RPS13: variants seen among roughly 807,000 people sequenced by gnomAD.
RPS13 encodes ribosomal protein S13.
In RPS13, 1 loss-of-function variant was observed where a neutral mutation model predicts 24.6. The ratio of observed to expected loss-of-function variants is 0.04; its 90% CI spans 0.01 to 0.19. The LOEUF (loss-of-function observed/expected upper bound fraction) is 0.19, where lower values mean the gene tolerates loss of function less well. Ranked by LOEUF, RPS13 falls within the 10% of genes least tolerant of loss-of-function variation. RPS13 has a pLI of 1.00. For missense variants in RPS13, 88 were observed against 187.4 expected, an observed-to-expected ratio of 0.47 and a Z score of 3.10; for synonymous variants, 69 against 65.3, an observed-to-expected ratio of 1.06 and a Z score of -0.27.
chr11:17,077,280 A>G (rs770404207), intron 2 of RPS13, 34 bp from the exon 3 acceptor site: 28 of 1,599,296 alleles, frequency 1.8e-5, no homozygotes, highest in Non-Finnish European at 2.3e-5. Context: ...TTAGGATGAG[A>G]ACCCAGGAAT....
intron 1 of RPS13, 28 bp downstream of exon 1, chr11:17,077,589 CAG>C: frequency 1.5e-6 from 1 of 647,466 alleles, no homozygotes. Flanking sequence ...ACCCCCCGCC[CAG>C]CAATCCGGCT....
chr11:17,075,071 A>C (rs762721657), intron 5 of RPS13, 26 bp downstream of exon 5: 13 of 1,489,952 alleles, frequency 8.7e-6, no homozygotes, highest in Non-Finnish European at 1.1e-5. Context: ...ATTCTTGATA[A>C]CAACGACAAA....
chr11:17,076,663 T>A, intron 3 of RPS13: 2 of 343,586 alleles, frequency 5.8e-6, no homozygotes, highest in South Asian at 2.2e-5. Flanking sequence ...TCCTCTCACC[T>A]CTGCATCCCA....
At chr11:17,076,076 TTGCACCCCCCTC>T in intron 3 of RPS13, 1 of 277,792 alleles carries the variant, frequency 3.6e-6, no homozygotes, top group South Asian at 3.1e-5. Context: ...TACAGATATT[TTGCACCCCCCTC>T]CCCCTTTTAA....
At position 17,077,609 on chromosome 11, in the gene RPS13, C is replaced by T. The variant is rs1397775581; in HGVS notation, c.23+10G>A. 2.1e-6 allele frequency: 3 copies of T among 1,460,770 alleles called. No individual in the cohort carries two copies. The highest frequency in any genetic ancestry group is 3.0e-5 in the East Asian group (1 of 33,100). 90.5% of individuals were successfully genotyped at this position (1,460,770 alleles called of 1,614,324 possible). A position where few individuals can be genotyped will look rare whatever the true frequency, so the allele number is the denominator to read the frequency against. On this transcript the variant is annotated intron_variant, in intron 1 of 5. Coordinates refer to ENST00000525634, the MANE Select transcript of RPS13 (RefSeq NM_001017.3). ...CCGCCCAGCAATCCGGCTTGATGCC[C>T]CGAGCTCACCCGGGAGCATGCATGC...
chr11:17,075,128 T>C lies in RPS13; in HGVS notation c.391A>G (p.Thr131Ala), dbSNP rs765457975. The change falls in exon 5 of 6, where the codon ACC becomes GCC. Residue 131 changes from threonine to alanine, a missense_variant. Coordinates refer to ENST00000525634, the MANE Select transcript of RPS13 (RefSeq NM_001017.3). ...RIHRLARYYK[T>A]KRVLPPNWKY... is the part of the protein sequence containing the mutation. Reference sequence around the variant, plus strand: ...CAATTGGGAGGGAGGACTCGCTTGGTCTTATAATATCGAGCCAAACGGTGA... The same window carrying C: ...CAATTGGGAGGGAGGACTCGCTTGGCCTTATAATATCGAGCCAAACGGTGA... The C allele has an allele frequency of 3.1e-6, 5 of 1,611,754 alleles. No individual in the cohort carries two copies. The highest frequency in any genetic ancestry group is 4.2e-6 in the Non-Finnish European group (5 of 1,179,244).
chr11:17,074,740 A>G (rs1273533907), intron 5 of RPS13: 2 of 676,714 alleles, frequency 3.0e-6, no homozygotes, highest in Admixed American at 2.0e-5. Flanking sequence ...CAATCATCAT[A>G]GTGAGCAATT....
chr11:17,074,784 A>G (rs1446583861), intron 5 of RPS13: 1 of 661,204 alleles, frequency 1.5e-6, no homozygotes, highest in Non-Finnish European at 2.8e-6. Flanking sequence ...CTGGGAGTAG[A>G]GGTATGAAAG....
At chr11:17,074,565 C>A in intron 5 of RPS13, 99 bp from the exon 6 acceptor site, 1 of 939,712 alleles carries the variant, frequency 1.1e-6, no homozygotes, top group Non-Finnish European at 1.7e-6. Flanking sequence ...TATTCTCAAA[C>A]AGTTAATAAA....
At chr11:17,077,119 A>G in intron 3 of RPS13, 49 bp downstream of exon 3, 2 of 1,379,032 alleles carry the variant, frequency 1.5e-6, no homozygotes, top group Non-Finnish European at 2.1e-6. Context: ...AGATCCTACA[A>G]GTCACACGAG....
intron 3 of RPS13, 110 bp downstream of exon 3, chr11:17,077,058 G>T (rs769346659): frequency 6.4e-6 from 5 of 777,596 alleles, no homozygotes; most frequent in Non-Finnish European, 1.1e-5. Context: ...CCTCTAGCAC[G>T]GTGGCGAGAC....
At chr11:17,075,012 C>A (rs1848005105) in intron 5 of RPS13, 85 bp downstream of exon 5, 1 of 914,896 alleles carries the variant, frequency 1.1e-6, no homozygotes, top group South Asian at 1.5e-5. Flanking sequence ...TACTAGCCCC[C>A]AAGGCTGAAC....
At chr11:17,076,977 T>A (rs1221167912) in intron 3 of RPS13, 191 bp downstream of exon 3, 1 of 584,196 alleles carries the variant, frequency 1.7e-6, no homozygotes, top group Non-Finnish European at 3.1e-6. Flanking sequence ...GTGAAAGCCA[T>A]GAAGATTTAT....
At position 17,077,226 on chromosome 11, in the gene RPS13, G is replaced by T; in HGVS notation, c.93C>A (p.Asp31Glu). ...GTTTGTAAATCTGCTCCTTCACGTCGTCAGATGTCAACTTCAACCACTGTT... is the reference window on the plus strand; with the variant it reads ...GTTTGTAAATCTGCTCCTTCACGTCTTCAGATGTCAACTTCAACCACTGTT... ...SVPTWLKLTS[D>E]DVKEQIYKLA... The change falls in exon 3 of 6, where the codon GAC becomes GAA. Residue 31 changes from aspartate (D) to glutamate (E), a missense_variant. Asp to Glu is a conservative substitution (Grantham distance 45, BLOSUM62 2). Transcript: ENST00000525634. The T allele has an allele frequency of 6.2e-7, 1 of 1,613,624 alleles. No individual in the cohort carries two copies. The highest frequency in any genetic ancestry group is 1.1e-5 in the South Asian group (1 of 91,076).
intron 3 of RPS13, 106 bp from the exon 4 acceptor site, chr11:17,075,729 G>T: frequency 2.3e-6 from 2 of 873,196 alleles, no homozygotes; most frequent in Non-Finnish European, 3.7e-6. Context: ...TGTAAGATGG[G>T]GGTATACTTT....
At chr11:17,076,820 C>T in intron 3 of RPS13, 1 of 389,014 alleles carries the variant, frequency 2.6e-6, no homozygotes, top group Non-Finnish European at 4.8e-6. Context: ...TCACACGCAG[C>T]TGAGATTCAA....
chr11:17,077,595 T>G (rs759037619), intron 1 of RPS13, 24 bp downstream of exon 1: 1 of 609,270 alleles, frequency 1.6e-6, no homozygotes, highest in Non-Finnish European at 2.8e-6. Flanking sequence ...CGCCCAGCAA[T>G]CCGGCTTGAT....
intron 3 of RPS13, chr11:17,076,564 A>G (rs1292098064): frequency 2.3e-6 from 1 of 434,008 alleles, no homozygotes; most frequent in Non-Finnish European, 4.6e-6. Flanking sequence ...CAAAAAAAAA[A>G]AAAAAAAGAG....
chr11:17,075,945 T>G, intron 3 of RPS13: 1 of 439,976 alleles, frequency 2.3e-6, no homozygotes, highest in Non-Finnish European at 4.4e-6. Flanking sequence ...TGGTCAGATA[T>G]TCTTCTAAAA....
Sources: allele counts gnomAD v4.1 joint callset, GRCh38; gene constraint gnomAD v4.1.1; transcripts MANE v1.5; gene names NCBI Gene and HGNC (gene_info 2026-07-23, HGNC 2026-07-21).